Variants in TOX4 observed in about 807,000 individuals in gnomAD.
TOX4 encodes the protein TOX high mobility group box family member 4, also known as epidermal Langerhans cell protein LCP1.
TOX4 carries 12 observed loss-of-function variants against 61.0 expected under a neutral mutation model. That is an observed-to-expected ratio of 0.20 (90% CI 0.13 to 0.32). The LOEUF (loss-of-function observed/expected upper bound fraction) is 0.32, where lower values mean the gene tolerates loss of function less well. TOX4 is among the 10% of genes least tolerant of loss of function. The pLI is 1.00. For missense variants in TOX4, 499 were observed against 753.3 expected (o/e 0.66, Z 3.95); for synonymous variants, 268 against 274.8 (o/e 0.98, Z 0.24).
intron 7 of TOX4, 49 bp downstream of exon 7, chr14:21,493,306 GT>G: frequency 6.5e-7 from 1 of 1,533,912 alleles, no homozygotes; most frequent in Non-Finnish European, 8.7e-7. Context: ...GTATAAAAAT[GT>G]TTTTGGTTGA....
At position 21,499,075 on chromosome 14, in the gene TOX4, G is replaced by A; in HGVS notation, c.*2469G>A. 6.2e-7 allele frequency: 1 copy of A among 1,614,156 alleles called. No homozygotes were observed. Among genetic ancestry groups the A allele is most frequent in the African/African-American group, 1.3e-5 (1 of 75,024 alleles). On this transcript the variant is annotated 3_prime_UTR_variant, in exon 9 of 9. Transcript: ENST00000448790. ...GTCCAAATAACTCAATCTTGCGAGT[G>A]CCAGGAGATAGTCTTTCAATCATGC... is the stretch of plus-strand genomic sequence containing the variant.
intron 3 of TOX4, 64 bp downstream of exon 3, chr14:21,487,757 T>C (rs1891212944): frequency 1.3e-6 from 2 of 1,534,140 alleles, no homozygotes; most frequent in Admixed American, 4.0e-5. Context: ...GGAGACAAAG[T>C]TACTCTATTC....
chr14:21,484,572 ACTCTTG>A lies in TOX4; in HGVS notation c.76-2878_76-2873del, dbSNP rs1891167203. Among the ~76,000 whole-genome samples the A allele has an allele frequency of 2.0e-5, 2 of 100,930 alleles. 1 individual carries two copies. Among genetic ancestry groups the A allele is most frequent in the Non-Finnish European group, 4.3e-5 (2 of 46,350 alleles). The allele number at this position is 100,930 out of a possible 152,430, so 66.2% of individuals were successfully genotyped here. ...GCCATGTTGGCCAGGCTGGTCTCGA[ACTCTTG>A]ACCTCAGGTGGTCCACCCACCTCGG... On this transcript the variant is annotated intron_variant, in intron 2 of 8. Coordinates refer to ENST00000448790, the MANE Select transcript of TOX4 (RefSeq NM_014828.4).
At position 21,492,742 on chromosome 14, in the gene TOX4, C is replaced by T; in HGVS notation, c.1126C>T (p.Pro376Ser). ...GTTGATTATTACCAAACAAATGTTG[C>T]CCTCTTCTATTACTATGTCTCAAGG... ...TKLIITKQML[P>S]SSITMSQGGM... is the part of the protein sequence containing the mutation. Residue 376 changes from proline (P) to serine (S), a missense_variant, in exon 7 of 9, where the codon CCC (proline) becomes TCC (serine). Coordinates refer to ENST00000448790, the MANE Select transcript of TOX4 (RefSeq NM_014828.4). 6.2e-7 allele frequency: 1 copy of T among 1,614,108 alleles called. No homozygotes were observed.
rs1350997069 is a variant in TOX4, at chr14:21,477,282, G to C, written c.4G>C (p.Glu2Gln). Reference sequence around the variant, plus strand: ...CGGTGGGAGCGGTTGTGTGAAGATGGAGGTAGGAACCTGATAGCTAAGAAG... The same window carrying C: ...CGGTGGGAGCGGTTGTGTGAAGATGCAGGTAGGAACCTGATAGCTAAGAAG... M[E>Q]FPGGNDNYLT... Residue 2 changes from glutamate (E) to glutamine (Q), a missense_variant and splice_region_variant, in exon 1 of 9, where the codon GAG becomes CAG. Transcript: ENST00000448790. The C allele has an allele frequency of 1.9e-6, 3 of 1,614,052 alleles. No individual in the cohort carries two copies. Among genetic ancestry groups the C allele is most frequent in the Non-Finnish European group, 2.5e-6 (3 of 1,179,966 alleles).
intron 7 of TOX4, among the ~76,000 whole-genome samples, chr14:21,494,086 C>T (rs1165831868): frequency 6.6e-6 from 1 of 152,086 alleles, no homozygotes; most frequent in African/African-American, 2.4e-5. Context: ...CAGTCTTCTG[C>T]CCCAGACCAC....
In TOX4 at chr14:21,493,140, C is replaced by T; in HGVS notation, c.1524C>T (p.Val508=). 1 of 1,613,976 alleles carries T rather than the reference C, an allele frequency of 6.2e-7. No homozygotes were observed. Residue 508 remains valine (V), a synonymous_variant, in exon 7 of 9, where the codon GTC becomes GTT. Transcript: ENST00000448790. Reference sequence around the variant, plus strand: ...CTTTGAAAATGCAGACTACCTTAGTCCCACCAACTGTGGAAAGTAGTCCTG... The same window carrying T: ...CTTTGAAAATGCAGACTACCTTAGTTCCACCAACTGTGGAAAGTAGTCCTG... ...LPTLKMQTTL[V]PPTVESSPER...
At chr14:21,493,399 G>C in intron 7 of TOX4, 142 bp downstream of exon 7, 1 of 788,724 alleles carries the variant, frequency 1.3e-6, no homozygotes, top group Middle Eastern at 3.8e-4. Context: ...GGAGTTCCTT[G>C]CAGCAGTTGA....
chr14:21,487,849 G>A, intron 3 of TOX4, 156 bp downstream of exon 3: 1 of 770,180 alleles, frequency 1.3e-6, no homozygotes, highest in Non-Finnish European at 1.8e-6. Flanking sequence ...CTGAATAAAT[G>A]AAATTTACCA....
chr14:21,489,075 T>C (rs1891240933), intron 4 of TOX4, 98 bp from the exon 5 acceptor site: 17 of 1,348,552 alleles, frequency 1.3e-5, no homozygotes, highest in Admixed American at 2.5e-5. Context: ...ATTTCTATGA[T>C]TTTTAGCATT....
intron 6 of TOX4, 26 bp downstream of exon 6, chr14:21,492,402 AT>A: frequency 6.2e-7 from 1 of 1,612,098 alleles, no homozygotes; most frequent in Non-Finnish European, 8.5e-7. Context: ...TAGAATGAAT[AT>A]TTAAACCAGT....
chr14:21,494,926 A>C (rs140872442), intron 7 of TOX4, among the ~76,000 whole-genome samples: 172 of 152,134 alleles, frequency 1.1e-3, no homozygotes, highest in African/African-American at 3.6e-3. Context: ...CTCAAAAAAA[A>C]ACAAAAAACA....
At chr14:21,488,432 C>A in intron 3 of TOX4, 158 bp from the exon 4 acceptor site, 4 of 756,204 alleles carry the variant, frequency 5.3e-6, no homozygotes, top group South Asian at 2.2e-5. Context: ...TTTTAAAAAG[C>A]TTATTTTTTT....
chr14:21,498,155 A>G lies in TOX4; in HGVS notation c.*1549A>G. 1 of 720,086 alleles carries G rather than the reference A, an allele frequency of 1.4e-6. No homozygotes were observed. Among genetic ancestry groups the G allele is most frequent in the Non-Finnish European group, 2.4e-6 (1 of 419,984 alleles). 44.6% of individuals were successfully genotyped at this position (720,086 alleles called of 1,614,324 possible). On this transcript the variant is annotated 3_prime_UTR_variant, in exon 9 of 9. Coordinates refer to ENST00000448790, the MANE Select transcript of TOX4 (RefSeq NM_014828.4). ...CTTCAGAATCCCAACTACAATACAA[A>G]TGTTTATTTAAATAAAGAAGAAAGC...
rs1891433102 is a variant in TOX4, at chr14:21,497,550, CAG to C, written c.*947_*948del. ...TTTTTTTTTTTTTTTTTTTTTGAGA[CAG>C]AGTCTCGCTCTGTCACCCAGGCTGG... On this transcript the variant is annotated 3_prime_UTR_variant, in exon 9 of 9. Transcript: ENST00000448790. The C allele has an allele frequency of 3.1e-5, 4 of 127,520 alleles. No homozygotes were observed. Among genetic ancestry groups the C allele is most frequent in the South Asian group, 2.7e-4 (1 of 3,770 alleles). The allele number at this position is 127,520 out of a possible 1,614,324, so 7.9% of individuals were successfully genotyped here.
At position 21,498,665 on chromosome 14, in the gene TOX4, A is replaced by T. The variant is rs1566489497; in HGVS notation, c.*2059A>T. On this transcript the variant is annotated 3_prime_UTR_variant, in exon 9 of 9. Transcript: ENST00000448790. ...TTCTTTGGATAAGCAAAATGCTAGC[A>T]GCATGTGTTTTAAGCTCTGTTAAGG... The T allele has an allele frequency of 6.1e-6, 3 of 495,082 alleles. No homozygotes were observed. The highest frequency in any genetic ancestry group is 5.3e-5 in the South Asian group (2 of 38,028). The allele number at this position is 495,082 out of a possible 1,614,324, so 30.7% of individuals were successfully genotyped here.
Position 21,498,315 on chromosome 14 carries a change from A to C in TOX4, c.*1709A>C, listed in dbSNP as rs762881898. ...CTGGGTACCTTTGCTTGAACCGTGC[A>C]ACCACATCTGGGTCTAGTAGGTGGA... is the stretch of plus-strand genomic sequence containing the variant. On this transcript the variant is annotated 3_prime_UTR_variant, in exon 9 of 9. Transcript: ENST00000448790. 2 of 1,614,192 alleles carry C rather than the reference A, an allele frequency of 1.2e-6. No homozygotes were observed. The highest frequency in any genetic ancestry group is 2.2e-5 in the South Asian group (2 of 91,088).
At chr14:21,487,814 C>T in intron 3 of TOX4, 121 bp downstream of exon 3, 2 of 1,193,298 alleles carry the variant, frequency 1.7e-6, no homozygotes, top group South Asian at 2.5e-5. Flanking sequence ...TGGCTAAAGG[C>T]TCACCAACAA....
At chr14:21,487,410 C>A in intron 2 of TOX4, 41 bp from the exon 3 acceptor site, 1 of 1,600,640 alleles carries the variant, frequency 6.2e-7, no homozygotes, top group Non-Finnish European at 8.5e-7. Context: ...TGCCATTTCT[C>A]CTCTTTTCAC....
Sources: allele counts gnomAD v4.1 joint callset (sites outside exome capture counted in the v4.1 genomes callset), GRCh38; gene constraint gnomAD v4.1.1; transcripts MANE v1.5; gene names NCBI Gene and HGNC (gene_info 2026-07-23, HGNC 2026-07-21).